The following ASB15 variants were observed in gnomAD, a reference collection of about 807,000 sequenced individuals.
ASB15 encodes ankyrin repeat and SOCS box protein 15.
A neutral mutation model predicts 58.0 loss-of-function variants in ASB15; 54 were observed. The observed-to-expected ratio is 0.93, with a 90% CI of 0.75 to 1.17. The LOEUF (loss-of-function observed/expected upper bound fraction) is 1.17, where lower values mean the gene tolerates loss of function less well. Among genes scored for constraint, ASB15 ranks in the 50% most tolerant of loss-of-function variants. ASB15 has a pLI of 0.00. For synonymous variants in ASB15, 249 were observed against 262.4 expected (o/e 0.95, Z 0.50); for missense variants, 680 against 707.4 (o/e 0.96, Z 0.44).
chr7:123,600,878 C>T (rs970621685), upstream of ASB15, among the ~76,000 whole-genome samples: 3 of 151,988 alleles, frequency 2.0e-5, no homozygotes, highest in East Asian at 3.9e-4. Flanking sequence ...AAAACAAAAG[C>T]GTGTAGTGCT....
Position 123,633,650 on chromosome 7 carries a change from C to T in ASB15, c.1595-3159C>T, listed in dbSNP as rs960850457. On this transcript the variant is annotated intron_variant, in intron 11 of 11. Coordinates refer to ENST00000451215, the MANE Select transcript of ASB15 (RefSeq NM_001290258.2). ...GTGTGTGTGCACGCGCGCGCACGTG[C>T]GTCTGTTTACAGATAAGTCTTAGAA... 3.5e-4 allele frequency among the ~76,000 whole-genome samples: 54 copies of T among 152,164 alleles called. 1 individual carries two copies. Among genetic ancestry groups the T allele is most frequent in the Admixed American group, 3.1e-3 (48 of 15,290 alleles).
chr7:123,617,717 G>A lies in ASB15; in HGVS notation c.431G>A (p.Gly144Glu). The A allele has an allele frequency of 6.2e-7, 1 of 1,612,156 alleles. No individual in the cohort carries two copies. The highest frequency in any genetic ancestry group is 8.5e-7 in the Non-Finnish European group (1 of 1,178,550). ...GVWPNTKNDK[G>E]ETPLLIAVKK... ...TGGCCCAACACAAAAAATGATAAAG[G>A]AGAGACCCCCCTTCTGATTGGTAAA... The change falls in exon 7 of 12, where the codon GGA (glycine) becomes GAA (glutamate). Residue 144 changes from glycine to glutamate, a missense_variant. Physicochemically the swap from Gly to Glu is moderately conservative, Grantham distance 98. Coordinates refer to ENST00000451215, the MANE Select transcript of ASB15 (RefSeq NM_001290258.2).
intron 1 of ASB15, among the ~76,000 whole-genome samples, chr7:123,603,626 A>G (rs1799995534): frequency 6.6e-6 from 1 of 152,196 alleles, no homozygotes; most frequent in South Asian, 2.1e-4. Context: ...AGTGGAGCTT[A>G]AGGACATATA....
intron 1 of ASB15, among the ~76,000 whole-genome samples, chr7:123,575,211 T>C (rs1021618321): frequency 2.0e-5 from 3 of 152,060 alleles, no homozygotes; most frequent in Admixed American, 6.6e-5. Context: ...TGGTTTTCCA[T>C]TTTTTCTAGA....
At chr7:123,597,917 C>CGTGTGTGTGTGTATGTGT (rs780183019), upstream of ASB15, among the ~76,000 whole-genome samples, 618 of 133,062 alleles carry the variant, frequency 4.6e-3, 4 homozygotes, top group African/African-American at 0.014. Flanking sequence ...TTTCAAACTT[C>CGTGTGTGTGTGTATGTGT]GTGTGTGTGT....
At chr7:123,598,855 T>C (rs776514494), upstream of ASB15, 1 of 152,212 alleles carries the variant, frequency 6.6e-6, no homozygotes, top group Non-Finnish European at 1.5e-5. Context: ...CAACGTGGAT[T>C]CTTCCAGGGG....
chr7:123,589,312 TATTATTATTATC>T (rs1238803113), intron 1 of ASB15, among the ~76,000 whole-genome samples: 1 of 149,842 alleles, frequency 6.7e-6, no homozygotes, highest in Non-Finnish European at 1.5e-5. Context: ...TTATTATTAT[TATTATTATTATC>T]ATTATTATTA....
chr7:123,624,897 T>C (rs1801673721), intron 8 of ASB15, 83 bp downstream of exon 8: 3 of 1,451,488 alleles, frequency 2.1e-6, no homozygotes, highest in Non-Finnish European at 2.8e-6. Context: ...CTTCCTCACC[T>C]GAATGTAACT....
At chr7:123,579,145 T>C (rs972657227) in intron 1 of ASB15, among the ~76,000 whole-genome samples, 13 of 152,064 alleles carry the variant, frequency 8.5e-5, no homozygotes, top group African/African-American at 3.1e-4. Context: ...CCTACAAATA[T>C]GCAGTACTTG....
chr7:123,584,409 T>G (rs1027745486), intron 1 of ASB15, among the ~76,000 whole-genome samples: 7 of 151,764 alleles, frequency 4.6e-5, no homozygotes, highest in African/African-American at 7.3e-5. Flanking sequence ...GGCATCAGTG[T>G]TTTCTAAAGC....
In ASB15 at chr7:123,637,001, A is replaced by T; in HGVS notation, c.*20A>T. On this transcript the variant is annotated 3_prime_UTR_variant, in exon 12 of 12. Coordinates refer to ENST00000451215, the MANE Select transcript of ASB15 (RefSeq NM_001290258.2). The stretch of plus-strand genomic sequence containing the variant: ...ACATAACTTAATATTTTAAAATGTG[A>T]TTTAAAAAAAATGTTGAAATGTGAT... The T allele has an allele frequency of 1.4e-6, 2 of 1,453,848 alleles. No homozygotes were observed. The highest frequency in any genetic ancestry group is 1.9e-6 in the Non-Finnish European group (2 of 1,058,270). The allele number at this position is 1,453,848 out of a possible 1,614,324, so 90.1% of individuals were successfully genotyped here. A position where few individuals can be genotyped will look rare whatever the true frequency, so the allele number is the denominator to read the frequency against.
intron 10 of ASB15, 36 bp downstream of exon 10, chr7:123,629,470 C>A: frequency 6.8e-7 from 1 of 1,465,740 alleles, no homozygotes; most frequent in South Asian, 1.3e-5. Context: ...ATTGAGTTAT[C>A]ATCCTAATTT....
At chr7:123,605,023 C>G (rs1429095338) in intron 2 of ASB15, among the ~76,000 whole-genome samples, 3 of 151,890 alleles carry the variant, frequency 2.0e-5, no homozygotes, top group African/African-American at 7.3e-5. Flanking sequence ...ATGGCCTGTA[C>G]ATGATTTCAA....
intron 4 of ASB15, among the ~76,000 whole-genome samples, chr7:123,615,079 ATTAG>A (rs1037243048): frequency 9.2e-5 from 14 of 152,142 alleles, no homozygotes; most frequent in Non-Finnish European, 1.5e-4. Context: ...CATGTAGCCC[ATTAG>A]TTAATGAATG....
chr7:123,584,489 A>G (rs1336403150), intron 1 of ASB15, among the ~76,000 whole-genome samples: 1 of 151,974 alleles, frequency 6.6e-6, no homozygotes, highest in Admixed American at 6.6e-5. Flanking sequence ...TTAAGAGTTT[A>G]CATACTAACA....
At chr7:123,609,304 C>T (rs1418483896) in intron 3 of ASB15, among the ~76,000 whole-genome samples, 2 of 152,160 alleles carry the variant, frequency 1.3e-5, no homozygotes, top group African/African-American at 4.8e-5. Flanking sequence ...TCTTCCCAGC[C>T]TCATGGTACT....
intron 11 of ASB15, among the ~76,000 whole-genome samples, chr7:123,636,022 A>T (rs1183768205): frequency 6.6e-6 from 1 of 152,124 alleles, no homozygotes; most frequent in Non-Finnish European, 1.5e-5. Flanking sequence ...TGATTTGTTT[A>T]ATCTTCAAAC....
At chr7:123,636,030 A>T (rs566745787) in intron 11 of ASB15, among the ~76,000 whole-genome samples, 1 of 152,254 alleles carries the variant, frequency 6.6e-6, no homozygotes, top group East Asian at 1.9e-4. Flanking sequence ...TTAATCTTCA[A>T]ACAACCCTAC....
At chr7:123,627,396 T>C in intron 9 of ASB15, 115 bp downstream of exon 9, 1 of 819,096 alleles carries the variant, frequency 1.2e-6, no homozygotes, top group Non-Finnish European at 1.7e-6. Context: ...ATAGGCATAA[T>C]CTTCAGGTTT....
Sources: gnomAD v4.1 joint callset for allele counts (sites outside exome capture counted in the v4.1 genomes callset) on GRCh38, gnomAD v4.1.1 for gene constraint, MANE v1.5 for transcripts, NCBI Gene and HGNC (gene_info 2026-07-23, HGNC 2026-07-21) for gene names.